Variants in AUTS2 observed in about 807,000 individuals in gnomAD.
The protein encoded by AUTS2 is autism susceptibility gene 2 protein.
Under a neutral mutation model 112.4 loss-of-function variants are expected in AUTS2, and 17 were observed. That is an observed-to-expected ratio of 0.15 (90% CI 0.10 to 0.23). The LOEUF is 0.23. Among genes scored for constraint, AUTS2 ranks in the 10% least tolerant of loss-of-function variants. AUTS2 has a pLI of 1.00. For missense variants in AUTS2, 1,510 were observed against 1,701.6 expected (o/e 0.89, Z 1.98); for synonymous variants, 751 against 702.7 (o/e 1.07, Z -1.09).
intron 1 of AUTS2, among the ~76,000 whole-genome samples, chr7:69,606,593 T>C (rs755523831): frequency 6.6e-6 from 1 of 152,232 alleles, no homozygotes; most frequent in Non-Finnish European, 1.5e-5. Context: ...AGCAACTTTT[T>C]TTTTTCTTTC....
intron 1 of AUTS2, among the ~76,000 whole-genome samples, chr7:69,853,599 T>A (rs1367185207): frequency 6.6e-6 from 1 of 152,162 alleles, no homozygotes; most frequent in Non-Finnish European, 1.5e-5. Context: ...GTATATTTAG[T>A]CACTGTACCT....
chr7:69,900,027 A>G (rs1253500121), intron 2 of AUTS2, among the ~76,000 whole-genome samples: 2 of 152,210 alleles, frequency 1.3e-5, no homozygotes, highest in South Asian at 2.1e-4. Context: ...TCCATAGGCT[A>G]TAATTCAAGA....
intron 4 of AUTS2, among the ~76,000 whole-genome samples, chr7:70,249,715 C>T (rs1015267554): frequency 7.9e-5 from 12 of 151,890 alleles, no homozygotes; most frequent in African/African-American, 2.9e-4. Flanking sequence ...GAGGATGTTC[C>T]ACTGCAGTTT....
chr7:69,938,056 C>G (rs1796483257), intron 2 of AUTS2, among the ~76,000 whole-genome samples: 1 of 152,210 alleles, frequency 6.6e-6, no homozygotes, highest in South Asian at 2.1e-4. Context: ...TAGGATTCTC[C>G]TGTTCAATAA....
chr7:70,336,329 C>T (rs1790989135), intron 4 of AUTS2, among the ~76,000 whole-genome samples: 1 of 152,188 alleles, frequency 6.6e-6, no homozygotes, highest in Non-Finnish European at 1.5e-5. Context: ...ACAACCATTG[C>T]TAGCATTTCT....
chr7:70,627,920 A>G (rs1805034402), intron 5 of AUTS2, among the ~76,000 whole-genome samples: 1 of 152,194 alleles, frequency 6.6e-6, no homozygotes, highest in South Asian at 2.1e-4. Context: ...AGTCATCAAA[A>G]GAGACTTTCT....
intron 2 of AUTS2, among the ~76,000 whole-genome samples, chr7:70,009,084 G>A (rs1799673597): frequency 6.6e-6 from 1 of 152,120 alleles, no homozygotes; most frequent in Non-Finnish European, 1.5e-5. Context: ...TTTGGAGGCT[G>A]GAAATTATAA....
At chr7:69,876,352 AT>A (rs1793765891) in intron 1 of AUTS2, among the ~76,000 whole-genome samples, 150 of 53,962 alleles carry the variant, frequency 2.8e-3, no homozygotes, top group East Asian at 6.6e-3. Context: ...AAAAAAAAAT[AT>A]ATATATATAT....
intron 5 of AUTS2, among the ~76,000 whole-genome samples, chr7:70,576,445 C>CA (rs1451289022): frequency 1.3e-5 from 2 of 152,168 alleles, no homozygotes; most frequent in African/African-American, 4.8e-5. Flanking sequence ...CCCATATCAG[C>CA]ACTTGCATTT....
chr7:70,000,888 A>G lies in AUTS2; in HGVS notation c.522+101390A>G, dbSNP rs189930690. On this transcript the variant is annotated intron_variant, in intron 2 of 18. Coordinates refer to ENST00000342771, the MANE Select transcript of AUTS2 (RefSeq NM_015570.4). ...TAAAACAACAACAGAAAAATTGGTAATGACTGACTGTATGCCCATTGGCCG... is the reference window on the plus strand; with the variant it reads ...TAAAACAACAACAGAAAAATTGGTAGTGACTGACTGTATGCCCATTGGCCG... 2.0e-3 allele frequency among the ~76,000 whole-genome samples: 304 copies of G among 152,212 alleles called. 7 individuals are homozygous for G. Among genetic ancestry groups the G allele is most frequent in the Non-Finnish European group, 8.1e-4 (55 of 68,012 alleles).
intron 5 of AUTS2, among the ~76,000 whole-genome samples, chr7:70,657,378 A>C (rs1159754235): frequency 6.6e-6 from 1 of 152,206 alleles, no homozygotes; most frequent in African/African-American, 2.4e-5. Context: ...CTGGAATGCA[A>C]AACACAGACC....
chr7:69,995,628 G>A (rs896840824), intron 2 of AUTS2, among the ~76,000 whole-genome samples: 3 of 152,142 alleles, frequency 2.0e-5, no homozygotes, highest in African/African-American at 7.2e-5. Flanking sequence ...ATTCTCCAGG[G>A]ACAAGGCCTA....
rs578149325 is a variant in AUTS2, at chr7:69,670,187, A to G, written c.309+70225A>G. Among the ~76,000 whole-genome samples the G allele has an allele frequency of 2.6e-5, 4 of 152,310 alleles. No individual in the cohort carries two copies. The East Asian group carries it at 7.7e-4, about 29-fold the overall frequency. Reference sequence around the variant, plus strand: ...TTGGTGAGCAAGACCTGACTAGAACAGAAATGGAAATGACCTTTTCATGCA... The same window carrying G: ...TTGGTGAGCAAGACCTGACTAGAACGGAAATGGAAATGACCTTTTCATGCA... On this transcript the variant is annotated intron_variant, in intron 1 of 18. Coordinates refer to ENST00000342771, the MANE Select transcript of AUTS2 (RefSeq NM_015570.4).
intron 3 of AUTS2, among the ~76,000 whole-genome samples, chr7:70,125,245 A>ATGTGTGTG (rs59747508): frequency 4.1e-4 from 60 of 144,912 alleles, no homozygotes; most frequent in Admixed American, 1.5e-3. Flanking sequence ...TTATTTGGAG[A>ATGTGTGTG]TGTGTGTGTG....
intron 4 of AUTS2, among the ~76,000 whole-genome samples, chr7:70,136,770 A>C (rs73160184): frequency 8.6e-4 from 131 of 152,324 alleles, no homozygotes; most frequent in Non-Finnish European, 1.6e-3. Flanking sequence ...ATTGAACCAT[A>C]ACATGAATTC....
At chr7:70,681,316 T>G (rs1213693039) in intron 5 of AUTS2, among the ~76,000 whole-genome samples, 2 of 152,074 alleles carry the variant, frequency 1.3e-5, no homozygotes, top group Non-Finnish European at 2.9e-5. Flanking sequence ...TGCCTCCCGC[T>G]CCCCGAGGGT....
intron 1 of AUTS2, among the ~76,000 whole-genome samples, chr7:69,683,445 A>G (rs1796904099): frequency 1.3e-5 from 2 of 152,162 alleles, no homozygotes; most frequent in South Asian, 4.1e-4. Flanking sequence ...CTTTTTCAGT[A>G]AAAGAAAAAG....
intron 2 of AUTS2, among the ~76,000 whole-genome samples, chr7:69,945,293 A>T (rs1796766008): frequency 2.0e-5 from 3 of 152,110 alleles, no homozygotes; most frequent in Admixed American, 2.0e-4. Flanking sequence ...GCAACCACTG[A>T]TCTACTTTCT....
chr7:70,041,411 A>T (rs1373669727), intron 2 of AUTS2, among the ~76,000 whole-genome samples: 3 of 152,178 alleles, frequency 2.0e-5, no homozygotes, highest in Non-Finnish European at 4.4e-5. Flanking sequence ...TTTCATCCCC[A>T]TGCTTACAAA....
Sources: gnomAD v4.1 joint callset for allele counts (sites outside exome capture counted in the v4.1 genomes callset) on GRCh38, gnomAD v4.1.1 for gene constraint, MANE v1.5 for transcripts, NCBI Gene and HGNC (gene_info 2026-07-23, HGNC 2026-07-21) for gene names.